The following PAM variants were observed in gnomAD, a reference collection of about 807,000 sequenced individuals.
The protein encoded by PAM is peptidylglycine alpha-amidating monooxygenase, also known as peptidyl-glycine alpha-amidating monooxygenase.
Under a neutral mutation model 122.1 loss-of-function variants are expected in PAM, and 72 were observed. The observed-to-expected ratio is 0.59, with a 90% CI of 0.49 to 0.72. PAM has a LOEUF of 0.72. PAM is among the 30% of genes least tolerant of loss of function. The pLI is 0.00. For synonymous variants in PAM, 389 were observed against 404.4 expected, an observed-to-expected ratio of 0.96 and a Z score of 0.46; for missense variants, 1,106 against 1,183.7, an observed-to-expected ratio of 0.93 and a Z score of 0.96.
chr5:102,956,277 TTGTG>T (rs986641735), intron 12 of PAM, among the ~76,000 whole-genome samples: 1 of 152,124 alleles, frequency 6.6e-6, no homozygotes, highest in African/African-American at 2.4e-5. Flanking sequence ...AATTAGTGTA[TTGTG>T]TGTGTATGTA....
At chr5:103,021,052 C>T (rs1468605319) in intron 23 of PAM, among the ~76,000 whole-genome samples, 1 of 152,078 alleles carries the variant, frequency 6.6e-6, no homozygotes, top group Non-Finnish European at 1.5e-5. Context: ...TTAATAGTAG[C>T]TATCACTTAC....
intron 7 of PAM, among the ~76,000 whole-genome samples, chr5:102,943,368 T>C (rs534005264): frequency 6.6e-6 from 1 of 152,158 alleles, no homozygotes; most frequent in Non-Finnish European, 1.5e-5. Context: ...AAAAGCAAGC[T>C]AAATAGTTTG....
chr5:102,896,768 C>A (rs1187792809), intron 3 of PAM, among the ~76,000 whole-genome samples: 2 of 151,648 alleles, frequency 1.3e-5, no homozygotes, highest in Non-Finnish European at 1.5e-5. Context: ...GGATAGACTA[C>A]ATATAATAGT....
intron 15 of PAM, among the ~76,000 whole-genome samples, chr5:102,979,030 TCACA>T (rs10578523): frequency 0.83 from 122,758 of 147,836 alleles, 51,545 homozygotes; most frequent in East Asian, 0.93. Flanking sequence ...TTATTCTGCA[TCACA>T]CACACACACA....
intron 25 of PAM, 24 bp downstream of exon 25, chr5:103,028,262 C>T (rs1384104950): frequency 6.5e-7 from 1 of 1,530,224 alleles, no homozygotes; most frequent in African/African-American, 1.4e-5. Flanking sequence ...CTTTTAGAAC[C>T]CTTCATGTTT....
At chr5:102,996,913 G>A (rs1775865074) in intron 16 of PAM, among the ~76,000 whole-genome samples, 1 of 152,048 alleles carries the variant, frequency 6.6e-6, no homozygotes, top group Admixed American at 6.6e-5. Flanking sequence ...TTTGGATTTT[G>A]TTATGTTTTG....
chr5:102,825,567 A>G (rs770082476), intron 1 of PAM, among the ~76,000 whole-genome samples: 1 of 152,182 alleles, frequency 6.6e-6, no homozygotes, highest in African/African-American at 2.4e-5. Flanking sequence ...CTCCAGGAGT[A>G]TGGGTTGTGT....
intron 17 of PAM, among the ~76,000 whole-genome samples, chr5:103,004,157 A>C (rs1373625722): frequency 6.6e-6 from 1 of 152,170 alleles, no homozygotes; most frequent in East Asian, 1.9e-4. Context: ...GATGATAATA[A>C]TGATGCTTAG....
rs202117751 is a variant in PAM at position 102,866,195 on chromosome 5, C to G, written c.-1C>G. On this transcript the variant is annotated 5_prime_UTR_variant, in exon 2 of 26. Coordinates refer to ENST00000438793, the MANE Select transcript of PAM (RefSeq NM_001177306.2). ...CCCGGCGGGGTCGTATCGGCGTGGACATGGCTGGCCGCGTCCCTAGCCTGC... is the reference window on the plus strand; with the variant it reads ...CCCGGCGGGGTCGTATCGGCGTGGAGATGGCTGGCCGCGTCCCTAGCCTGC... 6.2e-6 allele frequency: 10 copies of G among 1,610,076 alleles called. No homozygotes were observed. Among genetic ancestry groups the G allele is most frequent in the Non-Finnish European group, 8.5e-6 (10 of 1,177,430 alleles).
At chr5:102,889,444 A>C (rs902504185) in intron 3 of PAM, among the ~76,000 whole-genome samples, 2 of 151,796 alleles carry the variant, frequency 1.3e-5, no homozygotes, top group African/African-American at 4.8e-5. Flanking sequence ...TGGGTGGTAC[A>C]GTTTGCTGCT....
At position 102,926,659 on chromosome 5, in the gene PAM, G is replaced by A. The variant is rs141331459; in HGVS notation, c.517G>A (p.Ala173Thr). ...ACAGGTACACTATGGGGATATTAGT[G>A]CTTTTAGAGGTAAGTTTTGAAGTGT... is the stretch of plus-strand genomic sequence containing the variant. The part of the protein sequence containing the change: ...VLQVHYGDIS[A>T]FRDNNKDCSG... The change falls in exon 7 of 26, where the codon GCT becomes ACT. Residue 173 changes from alanine (A) to threonine (T), a missense_variant. This residue lies in a region of PAM where 670 missense variants were observed against 690.3 expected (regional missense o/e 0.97). Transcript: ENST00000438793. 1.9e-6 allele frequency: 3 copies of A among 1,561,684 alleles called. No homozygotes were observed. Among genetic ancestry groups the A allele is most frequent in the Non-Finnish European group, 2.6e-6 (3 of 1,132,830 alleles).
intron 3 of PAM, among the ~76,000 whole-genome samples, chr5:102,874,009 G>C (rs1788362084): frequency 6.6e-6 from 1 of 152,114 alleles, no homozygotes; most frequent in Non-Finnish European, 1.5e-5. Context: ...TACAAGATTT[G>C]TGAAGAGAGC....
chr5:102,867,430 T>A, intron 3 of PAM, 37 bp downstream of exon 3: 1 of 1,528,458 alleles, frequency 6.5e-7, no homozygotes, highest in Non-Finnish European at 9.0e-7. Context: ...TCACTTGTTC[T>A]GGATACAATC....
chr5:102,796,530 C>A (rs1580229094), intron 1 of PAM, among the ~76,000 whole-genome samples: 1 of 152,146 alleles, frequency 6.6e-6, no homozygotes, highest in African/African-American at 2.4e-5. Context: ...GATTATAATT[C>A]TCTTACCTGT....
chr5:102,838,922 C>T (rs1197219621), intron 1 of PAM, among the ~76,000 whole-genome samples: 1 of 152,112 alleles, frequency 6.6e-6, no homozygotes, highest in East Asian at 1.9e-4. Context: ...TGGAAATAAT[C>T]CTTGAGACAT....
intron 15 of PAM, among the ~76,000 whole-genome samples, chr5:102,982,365 T>G (rs1205605281): frequency 2.0e-5 from 3 of 152,124 alleles, no homozygotes; most frequent in Non-Finnish European, 2.9e-5. Flanking sequence ...ATGCCACCCC[T>G]GGGCCCAAGG....
chr5:103,003,579 A>T (rs1036114181), intron 17 of PAM, among the ~76,000 whole-genome samples: 1 of 152,166 alleles, frequency 6.6e-6, no homozygotes, highest in African/African-American at 2.4e-5. Flanking sequence ...ATACAATTAA[A>T]ATTTGTCAAT....
chr5:102,995,776 T>C (rs1037363955), intron 16 of PAM, among the ~76,000 whole-genome samples: 8 of 152,078 alleles, frequency 5.3e-5, no homozygotes, highest in South Asian at 2.1e-4. Flanking sequence ...ATTTTTTTTG[T>C]CTGCCCATCT....
chr5:102,917,977 T>G (rs775806626), intron 5 of PAM, among the ~76,000 whole-genome samples: 3 of 152,208 alleles, frequency 2.0e-5, no homozygotes, highest in Non-Finnish European at 4.4e-5. Flanking sequence ...CAGCTCACAT[T>G]GGCAATGTGT....
Sources: allele counts gnomAD v4.1 joint callset (sites outside exome capture counted in the v4.1 genomes callset), GRCh38; gene constraint gnomAD v4.1.1; regional missense constraint gnomAD v4.1.1; transcripts MANE v1.5; gene names NCBI Gene and HGNC (gene_info 2026-07-23, HGNC 2026-07-21).